Variants in TMEM164 observed in about 807,000 individuals in gnomAD.
TMEM164 encodes the protein RP13-360B22.2.
In TMEM164, 4 loss-of-function variants were observed where a neutral mutation model predicts 18.8. The observed-to-expected ratio is 0.21, with a 90% CI of 0.10 to 0.49. The LOEUF (loss-of-function observed/expected upper bound fraction) is 0.49. TMEM164 is among the 20% of genes least tolerant of loss of function. TMEM164 has a pLI of 0.98. For missense variants in TMEM164, 108 were observed against 239.9 expected (o/e 0.45, Z 3.63); for synonymous variants, 86 against 101.7 (o/e 0.85, Z 0.93).
At chrX:110,105,679 G>GACACACACACACACACACACAC (rs758900532) in intron 3 of TMEM164, among the ~76,000 whole-genome samples, 1 of 65,438 alleles carries the variant, frequency 1.5e-5, no homozygotes, top group African/African-American at 5.6e-5. Context: ...TAGAAACACA[G>GACACACACACACACACACACAC]ACACACACAC....
intron 2 of TMEM164, among the ~76,000 whole-genome samples, chrX:110,011,547 A>G (rs1933006732): frequency 8.9e-6 from 1 of 112,307 alleles, no homozygotes; most frequent in South Asian, 3.7e-4. Context: ...CAATAAGTGC[A>G]AAGGCTATGT....
At chrX:110,138,601 G>A (rs1156591425) in intron 4 of TMEM164, among the ~76,000 whole-genome samples, 1 of 111,957 alleles carries the variant, frequency 8.9e-6, no homozygotes, top group Non-Finnish European at 1.9e-5. Flanking sequence ...ACGCCATTGA[G>A]GTAGAGAAAG....
At chrX:110,178,780 G>A (rs746307311), downstream of TMEM164, among the ~76,000 whole-genome samples, 51 of 112,810 alleles carry the variant, frequency 4.5e-4, no homozygotes, top group African/African-American at 1.6e-3. Flanking sequence ...CCCCATCAAA[G>A]TACAATTAGC....
chrX:110,034,972 A>G (rs749601312), intron 2 of TMEM164, among the ~76,000 whole-genome samples: 4 of 103,820 alleles, frequency 3.9e-5, no homozygotes, highest in African/African-American at 1.4e-4. Context: ...TCGCAAGAAC[A>G]AAAAACCAAA....
At chrX:110,037,984 A>ATTTTT (rs1036705725) in intron 2 of TMEM164, among the ~76,000 whole-genome samples, 18 of 72,689 alleles carry the variant, frequency 2.5e-4, no homozygotes, top group African/African-American at 3.0e-4. Flanking sequence ...CTTTGGACTC[A>ATTTTT]TTTTTTTTTT....
intron 2 of TMEM164, among the ~76,000 whole-genome samples, chrX:110,031,880 T>TATC (rs1438108557): frequency 3.7e-5 from 4 of 109,138 alleles, no homozygotes; most frequent in African/African-American, 1.3e-4. Flanking sequence ...TTATTATTAT[T>TATC]ATCATTATAC....
intron 4 of TMEM164, among the ~76,000 whole-genome samples, chrX:110,123,294 C>T (rs769652331): frequency 1.4e-4 from 16 of 112,534 alleles, no homozygotes; most frequent in Middle Eastern, 4.6e-3. Flanking sequence ...CATATGCCAG[C>T]ACCACACTGT....
chrX:110,102,654 T>C (rs1290628223), intron 3 of TMEM164, among the ~76,000 whole-genome samples: 1 of 112,248 alleles, frequency 8.9e-6, no homozygotes, highest in East Asian at 2.8e-4. Flanking sequence ...AGGCACTACA[T>C]TGATCACTTT....
At chrX:110,095,745 TGGA>T (rs2066007267) in intron 3 of TMEM164, among the ~76,000 whole-genome samples, 1 of 112,624 alleles carries the variant, frequency 8.9e-6, no homozygotes. Flanking sequence ...TATGTTCCTT[TGGA>T]GGAGAAGAGG....
At chrX:110,039,620 G>C (rs148185958) in intron 2 of TMEM164, among the ~76,000 whole-genome samples, 5 of 111,920 alleles carry the variant, frequency 4.5e-5, no homozygotes, top group Non-Finnish European at 7.5e-5. Flanking sequence ...GAGTGAGGGC[G>C]GGGGATGGAT....
At chrX:110,158,600 C>T (rs781284643) in intron 5 of TMEM164, among the ~76,000 whole-genome samples, 1 of 112,111 alleles carries the variant, frequency 8.9e-6, no homozygotes, top group African/African-American at 3.2e-5. Context: ...TAGTGCTGGG[C>T]GAGAGCTTGC....
At chrX:110,041,637 T>C (rs1320010211) in intron 2 of TMEM164, among the ~76,000 whole-genome samples, 2 of 112,123 alleles carry the variant, frequency 1.8e-5, no homozygotes, top group Non-Finnish European at 1.9e-5. Flanking sequence ...ATACCTGTCC[T>C]GAACACTAGC....
At position 110,011,447 on chromosome X, in the gene TMEM164, C is replaced by T. The variant is rs141312086; in HGVS notation, c.390+7283C>T. Among the ~76,000 whole-genome samples, 829 of 111,852 alleles carry T rather than the reference C, an allele frequency of 7.4e-3. 5 individuals are homozygous for T. Among genetic ancestry groups the T allele is most frequent in the African/African-American group, 0.026 (799 of 30,775 alleles). On this transcript the variant is annotated intron_variant, in intron 2 of 6. Transcript: ENST00000372068. ...GTTCTCTTAGTGCCTAGAACAGGGA[C>T]TGGCTCTAGTAGGTGCTCAATAAAT... is the stretch of plus-strand genomic sequence containing the variant.
intron 3 of TMEM164, among the ~76,000 whole-genome samples, chrX:110,093,000 G>A (rs1212278315): frequency 2.7e-5 from 3 of 111,795 alleles, no homozygotes; most frequent in Non-Finnish European, 5.6e-5. Context: ...CTGTTTATAT[G>A]ACGGGTTATG....
intron 2 of TMEM164, among the ~76,000 whole-genome samples, chrX:110,010,189 T>A (rs1452143020): frequency 8.9e-6 from 1 of 112,234 alleles, no homozygotes; most frequent in Admixed American, 9.4e-5. Flanking sequence ...GATCTTAATC[T>A]CTTGGACATG....
intron 5 of TMEM164, among the ~76,000 whole-genome samples, chrX:110,168,929 G>A (rs896146627): frequency 4.5e-5 from 5 of 112,220 alleles, no homozygotes; most frequent in African/African-American, 1.3e-4. Flanking sequence ...CTGTAATTAC[G>A]GTATATTATC....
At position 110,003,662 on chromosome X, in the gene TMEM164, G is replaced by A; in HGVS notation, c.-113G>A. ...CTCTCGGTGCCCTGGTGTCTGGAGG[G>A]GGGTTGTGGGGGTGTGCCCGCCTTA... On this transcript the variant is annotated 5_prime_UTR_variant, in exon 2 of 7. Transcript: ENST00000372068. 1 of 875,194 alleles carries A rather than the reference G, an allele frequency of 1.1e-6. No individual in the cohort carries two copies. Among genetic ancestry groups the A allele is most frequent in the Admixed American group, 3.1e-5 (1 of 32,463 alleles). The allele number at this position is 875,194 out of a possible 1,213,427, so 72.1% of individuals were successfully genotyped here.
At chrX:110,007,293 C>T (rs1446384000) in intron 2 of TMEM164, among the ~76,000 whole-genome samples, 2 of 112,062 alleles carry the variant, frequency 1.8e-5, no homozygotes, top group African/African-American at 6.5e-5. Flanking sequence ...ATTTCTCAAA[C>T]GTGTCCTGGG....
intron 3 of TMEM164, among the ~76,000 whole-genome samples, chrX:110,103,303 G>C (rs1294815144): frequency 8.9e-6 from 1 of 112,275 alleles, no homozygotes; most frequent in Non-Finnish European, 1.9e-5. Flanking sequence ...AAGACATTAG[G>C]GTGGTCAGGA....
Sources: allele counts gnomAD v4.1 joint callset (sites outside exome capture counted in the v4.1 genomes callset), GRCh38; gene constraint gnomAD v4.1.1; transcripts MANE v1.5; gene names NCBI Gene and HGNC (gene_info 2026-07-23, HGNC 2026-07-21).